Variants in ATP10B observed in about 807,000 individuals in gnomAD.
ATP10B encodes ATPase phospholipid transporting 10B (putative), also known as phospholipid-transporting ATPase VB.
In ATP10B, 122 loss-of-function variants were observed where a neutral mutation model predicts 141.2. The ratio of observed to expected loss-of-function variants is 0.86; its 90% CI spans 0.75 to 1.00. ATP10B has a LOEUF of 1.00. Ranked by LOEUF, ATP10B falls within the 50% of genes least tolerant of loss-of-function variation. ATP10B has a pLI of 0.00. For missense variants in ATP10B, 1,876 were observed against 1,825.3 expected (o/e 1.03, Z -0.51); for synonymous variants, 685 against 692.0 (o/e 0.99, Z 0.16).
chr5:160,747,996 A>G (rs1209802221), intron 2 of ATP10B, among the ~76,000 whole-genome samples: 5 of 23,578 alleles, frequency 2.1e-4, no homozygotes, highest in South Asian at 9.0e-4. Context: ...ATTGAGAGAG[A>G]AAAAAAAAAA....
At chr5:160,594,411 C>T (rs1462257652) in intron 22 of ATP10B, among the ~76,000 whole-genome samples, 5 of 152,164 alleles carry the variant, frequency 3.3e-5, no homozygotes, top group South Asian at 2.1e-4. Context: ...AAAGGAACAA[C>T]CAGTACCAGC....
At chr5:160,815,790 A>G (rs990529768) in intron 1 of ATP10B, among the ~76,000 whole-genome samples, 6 of 152,214 alleles carry the variant, frequency 3.9e-5, no homozygotes, top group Non-Finnish European at 8.8e-5. Context: ...AATGTAAAAG[A>G]ACAGAAATTA....
Position 160,818,437 on chromosome 5 carries a change from G to A in ATP10B, c.-575-32634C>T, listed in dbSNP as rs997538156. 7.1e-3 allele frequency among the ~76,000 whole-genome samples: 1,075 copies of A among 152,180 alleles called. 18 individuals carry two copies. Among genetic ancestry groups the A allele is most frequent in the African/African-American group, 0.024 (1,007 of 41,540 alleles). On this transcript the variant is annotated intron_variant, in intron 1 of 25. Transcript: ENST00000327245. ...CTGGCCATCAGAGAAATGCAAATCAGAACCACAATGAGATACCATCTCACA... is the reference window on the plus strand; with the variant it reads ...CTGGCCATCAGAGAAATGCAAATCAAAACCACAATGAGATACCATCTCACA...
At chr5:160,877,537 C>A in the ATP10B span, among the ~76,000 whole-genome samples, 1 of 149,892 alleles carries the variant, frequency 6.7e-6, no homozygotes, top group African/African-American at 2.4e-5. Flanking sequence ...CTGGCCAGGG[C>A]AATCAGGCAG....
intron 2 of ATP10B, among the ~76,000 whole-genome samples, chr5:160,770,089 T>C (rs867071885): frequency 6.6e-6 from 1 of 152,160 alleles, no homozygotes; most frequent in African/African-American, 2.4e-5. Flanking sequence ...ATCTACCAAA[T>C]CCTACCCCCT....
chr5:160,874,515 C>T, the ATP10B span, among the ~76,000 whole-genome samples: 660 of 152,160 alleles, frequency 4.3e-3, 3 homozygotes, highest in African/African-American at 0.015. Flanking sequence ...TCATCAGCAA[C>T]GGACCAAAGC....
the ATP10B span, among the ~76,000 whole-genome samples, chr5:160,880,428 T>G: frequency 6.6e-6 from 1 of 152,062 alleles, no homozygotes; most frequent in South Asian, 2.1e-4. Flanking sequence ...AGTTCTTTTG[T>G]GGCTATCAAC....
intron 24 of ATP10B, among the ~76,000 whole-genome samples, chr5:160,588,145 C>T (rs546662763): frequency 1.3e-5 from 2 of 152,248 alleles, no homozygotes; most frequent in South Asian, 4.1e-4. Context: ...GCCGCACCTG[C>T]CCTGACAATG....
At chr5:160,616,166 T>C (rs1194074310) in intron 16 of ATP10B, among the ~76,000 whole-genome samples, 9 of 152,214 alleles carry the variant, frequency 5.9e-5, no homozygotes, top group Non-Finnish European at 1.3e-4. Flanking sequence ...TAAAAATCTA[T>C]TGTGCTCAGA....
intron 24 of ATP10B, among the ~76,000 whole-genome samples, chr5:160,575,417 C>T (rs1755129635): frequency 6.6e-6 from 1 of 151,992 alleles, no homozygotes; most frequent in Non-Finnish European, 1.5e-5. Context: ...TACTCTCACC[C>T]TACCTACCAC....
chr5:160,672,791 A>G (rs562735540), intron 6 of ATP10B, among the ~76,000 whole-genome samples: 3 of 152,362 alleles, frequency 2.0e-5, no homozygotes, highest in African/African-American at 7.2e-5. Context: ...AGTTGTGAAT[A>G]GAATTCCAGT....
chr5:160,743,853 C>T (rs760614814), intron 2 of ATP10B, among the ~76,000 whole-genome samples: 6 of 152,128 alleles, frequency 3.9e-5, no homozygotes, highest in East Asian at 1.9e-4. Flanking sequence ...TTTTGATTGT[C>T]GAAAGTAGGG....
At chr5:160,584,485 C>T (rs988426307) in intron 24 of ATP10B, among the ~76,000 whole-genome samples, 4 of 152,078 alleles carry the variant, frequency 2.6e-5, no homozygotes, top group Admixed American at 1.3e-4. Context: ...TTGGCCATCT[C>T]GCCAGCCACC....
intron 15 of ATP10B, 137 bp from the exon 16 acceptor site, chr5:160,618,110 G>A (rs1581208571): frequency 1.4e-6 from 1 of 702,880 alleles, no homozygotes; most frequent in South Asian, 1.7e-5. Context: ...TTAGAAACCT[G>A]AAGGAGCTCT....
At chr5:160,656,700 G>T (rs759536386) in intron 7 of ATP10B, among the ~76,000 whole-genome samples, 1 of 151,552 alleles carries the variant, frequency 6.6e-6, no homozygotes, top group Non-Finnish European at 1.5e-5. Flanking sequence ...GTCACAAAGG[G>T]TCTTTTTTTT....
chr5:160,827,473 C>CA lies in ATP10B; in HGVS notation c.-576+24467dup, dbSNP rs1437822899. 3.3e-5 allele frequency among the ~76,000 whole-genome samples: 5 copies of CA among 152,294 alleles called. No individual in the cohort carries two copies. In the East Asian group the frequency reaches 9.6e-4, roughly 29 times the overall value. On this transcript the variant is annotated intron_variant, in intron 1 of 25. Coordinates refer to ENST00000327245, the MANE Select transcript of ATP10B (RefSeq NM_025153.3). ...TGGCTTCTTTCAAAAGGTGTCTGTT[C>CA]ATGTCACTTGCCTAGTTTTTAATGA... is the stretch of plus-strand genomic sequence containing the variant.
At chr5:160,773,470 T>C (rs1770055054) in intron 2 of ATP10B, among the ~76,000 whole-genome samples, 1 of 152,178 alleles carries the variant, frequency 6.6e-6, no homozygotes. Context: ...TGGGGTAATT[T>C]CCAGCTGTGT....
intron 13 of ATP10B, among the ~76,000 whole-genome samples, chr5:160,628,901 T>G (rs957517863): frequency 3.9e-5 from 6 of 151,984 alleles, no homozygotes; most frequent in Admixed American, 1.3e-4. Flanking sequence ...TGCAGGCAAT[T>G]AGGTGACAAT....
At chr5:160,792,479 A>T (rs995508115) in intron 1 of ATP10B, among the ~76,000 whole-genome samples, 1 of 152,150 alleles carries the variant, frequency 6.6e-6, no homozygotes, top group African/African-American at 2.4e-5. Flanking sequence ...CTGGAATATG[A>T]GCAGGCATGG....
Sources: gnomAD v4.1 joint callset for allele counts (sites outside exome capture counted in the v4.1 genomes callset) on GRCh38, gnomAD v4.1.1 for gene constraint, MANE v1.5 for transcripts, NCBI Gene and HGNC (gene_info 2026-07-23, HGNC 2026-07-21) for gene names.